HAUS1: variants seen among roughly 807,000 people sequenced by gnomAD.
HAUS1 encodes the protein HAUS augmin-like complex subunit 1.
Under a neutral mutation model 38.6 loss-of-function variants are expected in HAUS1, and 25 were observed. The observed-to-expected ratio is 0.65, with a 90% CI of 0.47 to 0.91. The LOEUF (loss-of-function observed/expected upper bound fraction) is 0.91. Among genes scored for constraint, HAUS1 ranks in the 40% least tolerant of loss-of-function variants. The probability of loss-of-function intolerance (pLI) is 0.00; values close to 1 mark genes in which losing one functional copy is unlikely to be tolerated. For missense variants in HAUS1, 325 were observed against 328.4 expected, an observed-to-expected ratio of 0.99 and a Z score of 0.08; for synonymous variants, 109 against 112.9, an observed-to-expected ratio of 0.97 and a Z score of 0.22.
intron 6 of HAUS1, among the ~76,000 whole-genome samples, chr18:46,123,621 T>G (rs1166769557): frequency 1.3e-5 from 2 of 152,198 alleles, no homozygotes; most frequent in Non-Finnish European, 2.9e-5. Flanking sequence ...ATGTATTTAT[T>G]AAACAAATTT....
At chr18:46,120,155 AC>A (rs1346554885) in intron 4 of HAUS1, 95 bp downstream of exon 4, 6 of 810,310 alleles carry the variant, frequency 7.4e-6, no homozygotes, top group Non-Finnish European at 1.1e-5. Flanking sequence ...GATTTTAAAA[AC>A]ATTAGGAAAT....
Position 46,118,330 on chromosome 18 carries a change from C to A in HAUS1, c.341+14C>A. The A allele has an allele frequency of 6.2e-7, 1 of 1,612,814 alleles. No individual in the cohort carries two copies. Among genetic ancestry groups the A allele is most frequent in the Non-Finnish European group, 8.5e-7 (1 of 1,179,330 alleles). On this transcript the variant is annotated intron_variant, in intron 3 of 8. Coordinates refer to ENST00000282058, the MANE Select transcript of HAUS1 (RefSeq NM_138443.4). ...CTCGCTAGCTAGGTAATTCTTATGA[C>A]AGTTTTAATTTCCGCAATCATATCT...
intron 2 of HAUS1, among the ~76,000 whole-genome samples, chr18:46,115,751 C>A (rs1911780916): frequency 6.6e-6 from 1 of 152,050 alleles, no homozygotes; most frequent in African/African-American, 2.4e-5. Flanking sequence ...CACAAGCAAA[C>A]AAAATAAAAA....
chr18:46,108,171 C>T (rs1911523646), intron 2 of HAUS1, among the ~76,000 whole-genome samples: 1 of 152,054 alleles, frequency 6.6e-6, no homozygotes, highest in South Asian at 2.1e-4. Flanking sequence ...TTGTCTTGTC[C>T]CTAATCCTAG....
rs748573541 is a variant in HAUS1, at chr18:46,123,349, A to T, written c.651A>T (p.Leu217Phe). 23 of 1,609,534 alleles carry T rather than the reference A, an allele frequency of 1.4e-5. No individual in the cohort carries two copies. The highest frequency in any genetic ancestry group is 4.0e-5 in the African/African-American group (3 of 74,796). ...GMDASLSHQSLVALSEKLARL... is the reference protein window; with the variant it reads ...GMDASLSHQSFVALSEKLARL... Reference sequence around the variant, plus strand: ...ATGCTTCTCTGTCTCATCAGTCCTTAGTAGCACTATCAGAGGTGAGCTTAT... The same window carrying T: ...ATGCTTCTCTGTCTCATCAGTCCTTTGTAGCACTATCAGAGGTGAGCTTAT... The change falls in exon 6 of 9, where the codon TTA (leucine) becomes TTT (phenylalanine). Residue 217 changes from leucine (L) to phenylalanine (F), a missense_variant. Transcript: ENST00000282058.
rs552116659 is a variant in HAUS1 at position 46,119,190 on chromosome 18, C to T, written c.342-736C>T. 2.2e-4 allele frequency among the ~76,000 whole-genome samples: 33 copies of T among 152,106 alleles called. No individual in the cohort carries two copies. In the South Asian group the frequency reaches 5.4e-3, roughly 25 times the overall value. ...GGTAGAACTACGAATATTAATACAA[C>T]TTATCATAATCAGAGAACAACACAG... On this transcript the variant is annotated intron_variant, in intron 3 of 8. Transcript: ENST00000282058.
At chr18:46,126,628 CT>C (rs66733368) in intron 8 of HAUS1, 45,899 of 143,398 alleles carry the variant, frequency 0.32, 8,207 homozygotes, top group Middle Eastern at 0.51. Context: ...GCTATGCTTT[CT>C]TTTTTTTTTT....
At chr18:46,125,089 G>A (rs186818073) in intron 7 of HAUS1, among the ~76,000 whole-genome samples, 196 bp downstream of exon 7, 16 of 152,068 alleles carry the variant, frequency 1.1e-4, no homozygotes, top group Middle Eastern at 3.4e-3. Flanking sequence ...GTGAAACCCC[G>A]TCTCTACTAA....
intron 4 of HAUS1, among the ~76,000 whole-genome samples, chr18:46,121,987 G>A (rs1440883150): frequency 1.3e-5 from 2 of 151,938 alleles, no homozygotes; most frequent in Admixed American, 6.6e-5. Flanking sequence ...GATTATGGGC[G>A]CATGCCACCA....
At chr18:46,106,008 T>C (rs551772904) in intron 2 of HAUS1, among the ~76,000 whole-genome samples, 2 of 152,342 alleles carry the variant, frequency 1.3e-5, no homozygotes, top group East Asian at 3.9e-4. Context: ...TGTGGTTTTT[T>C]ACTTACCTAT....
chr18:46,112,979 T>TGTATATA, intron 2 of HAUS1, among the ~76,000 whole-genome samples: 1 of 71,352 alleles, frequency 1.4e-5, no homozygotes, highest in Non-Finnish European at 2.5e-5. Flanking sequence ...TTCCATATTA[T>TGTATATA]ATATATAATA....
In HAUS1 at chr18:46,122,475, A is replaced by G. The variant is rs760692399; in HGVS notation, c.485A>G (p.Lys162Arg). ...AATTTTGCTTTTTAAAGGGATGTCA[A>G]GAAAGCAGAGTTGCATCTGTCTACA... is the stretch of plus-strand genomic sequence containing the variant. ...VLEKCLQEDV[K>R]KAELHLSTER... The change falls in exon 5 of 9, where the codon AAG becomes AGG. Residue 162 changes from lysine (K) to arginine (R), a missense_variant. Physicochemically the swap from Lys to Arg is conservative, Grantham distance 26. Transcript: ENST00000282058. The G allele has an allele frequency of 6.2e-7, 1 of 1,613,618 alleles. No homozygotes were observed. The highest frequency in any genetic ancestry group is 1.7e-5 in the Admixed American group (1 of 60,004).
chr18:46,126,887 T>A (rs1912123899), intron 8 of HAUS1: 1 of 151,834 alleles, frequency 6.6e-6, no homozygotes, highest in South Asian at 2.1e-4. Context: ...CAGGCTGGAT[T>A]GCAATGGCAT....
intron 2 of HAUS1, among the ~76,000 whole-genome samples, chr18:46,108,439 A>G (rs912533864): frequency 2.6e-5 from 4 of 151,102 alleles, no homozygotes; most frequent in African/African-American, 9.7e-5. Flanking sequence ...CTCCTGGCCC[A>G]CTCTAATTTT....
intron 3 of HAUS1, among the ~76,000 whole-genome samples, chr18:46,119,213 C>G (rs900549944): frequency 1.3e-5 from 2 of 152,262 alleles, no homozygotes; most frequent in South Asian, 2.1e-4. Flanking sequence ...GAGAACAACA[C>G]AGCAGAACAG....
chr18:46,119,935 T>A lies in HAUS1; in HGVS notation c.351T>A (p.Pro117=), dbSNP rs745791422. 6.2e-7 allele frequency: 1 copy of A among 1,600,664 alleles called. No individual in the cohort carries two copies. Among genetic ancestry groups the A allele is most frequent in the Non-Finnish European group, 8.5e-7 (1 of 1,176,154 alleles). Reference sequence around the variant, plus strand: ...CAGATTCTTCTTTTAGTTTTATCCCTGCAGTGAATGATTTGACCTCTGATC... The same window carrying A: ...CAGATTCTTCTTTTAGTTTTATCCCAGCAGTGAATGATTTGACCTCTGATC... ...TKDTSLASFI[P]AVNDLTSDLF... is the part of the protein sequence containing the mutation. The change falls in exon 4 of 9, where the codon CCT becomes CCA. Residue 117 remains proline (P), a synonymous_variant. Transcript: ENST00000282058.
intron 2 of HAUS1, among the ~76,000 whole-genome samples, chr18:46,112,385 TATATATATA>T (rs1911667607): frequency 1.9e-5 from 1 of 52,706 alleles, no homozygotes; most frequent in Admixed American, 2.6e-4. Context: ...TATTCCATAT[TATATATATA>T]ATATATATAA....
intron 8 of HAUS1, among the ~76,000 whole-genome samples, chr18:46,127,707 CA>C (rs36020437): frequency 0.2 from 15,791 of 78,240 alleles, 915 homozygotes; most frequent in East Asian, 0.47. Flanking sequence ...GACTGCATCT[CA>C]AAAAAAAAAA....
At chr18:46,116,751 G>A (rs1264943839) in intron 2 of HAUS1, among the ~76,000 whole-genome samples, 6 of 151,896 alleles carry the variant, frequency 4.0e-5, no homozygotes, top group African/African-American at 9.7e-5. Flanking sequence ...AGTGGCTCAC[G>A]CCTGTAATCT....
Sources: allele counts gnomAD v4.1 joint callset (sites outside exome capture counted in the v4.1 genomes callset), GRCh38; gene constraint gnomAD v4.1.1; transcripts MANE v1.5; gene names NCBI Gene and HGNC (gene_info 2026-07-23, HGNC 2026-07-21).